The following FAT4 variants were observed in gnomAD, a reference collection of about 807,000 sequenced individuals.
FAT4 encodes FAT atypical cadherin 4.
A neutral mutation model predicts 303.9 loss-of-function variants in FAT4; 84 were observed. The observed-to-expected ratio is 0.28, with a 90% confidence interval of 0.23 to 0.33. FAT4 has a LOEUF of 0.33. Among genes scored for constraint, FAT4 ranks in the 10% least tolerant of loss-of-function variants. FAT4 has a pLI of 1.00. For synonymous variants in FAT4, 2,307 were observed against 2,298.8 expected (o/e 1.00, Z -0.10); for missense variants, 6,005 against 6,146.8 (o/e 0.98, Z 0.77).
intron 2 of FAT4, among the ~76,000 whole-genome samples, chr4:125,373,787 A>T (rs925066339): frequency 1.3e-5 from 2 of 152,184 alleles, no homozygotes; most frequent in Non-Finnish European, 2.9e-5. Context: ...TGAACATGAA[A>T]AAGCCAAAAG....
chr4:125,466,930 A>G (rs2126074488), intron 11 of FAT4, among the ~76,000 whole-genome samples: 1 of 151,982 alleles, frequency 6.6e-6, no homozygotes, highest in African/African-American at 2.4e-5. Context: ...GCCTGCCACC[A>G]TGCCCGGCTA....
chr4:125,323,516 T>C (rs1731035814), intron 2 of FAT4, among the ~76,000 whole-genome samples: 2 of 152,038 alleles, frequency 1.3e-5, no homozygotes, highest in African/African-American at 4.8e-5. Flanking sequence ...ATGATTTTTT[T>C]AATTAAAAAA....
intron 2 of FAT4, among the ~76,000 whole-genome samples, chr4:125,382,267 G>A (rs1733570628): frequency 6.6e-6 from 1 of 152,056 alleles, no homozygotes; most frequent in Non-Finnish European, 1.5e-5. Context: ...CACTATCTAT[G>A]GCAGCTATAG....
chr4:125,364,397 A>G (rs952596426), intron 2 of FAT4, among the ~76,000 whole-genome samples: 5 of 152,130 alleles, frequency 3.3e-5, no homozygotes, highest in Non-Finnish European at 5.9e-5. Context: ...GTGAATTTCA[A>G]CTTCACCCTG....
intron 2 of FAT4, among the ~76,000 whole-genome samples, chr4:125,385,705 C>G (rs757821467): frequency 7.9e-5 from 12 of 152,044 alleles, no homozygotes; most frequent in Non-Finnish European, 1.6e-4. Flanking sequence ...ATGGCTTTTT[C>G]CATTACTCTG....
At chr4:125,336,405 T>C (rs1281830615) in intron 2 of FAT4, among the ~76,000 whole-genome samples, 1 of 152,020 alleles carries the variant, frequency 6.6e-6, no homozygotes, top group African/African-American at 2.4e-5. Context: ...TATGTTTTGA[T>C]AAGTGTCAGA....
Position 125,318,695 on chromosome 4 carries a change from C to T in FAT4, c.2284C>T (p.Gln762Ter), listed in dbSNP as rs1419152842. 6.2e-7 allele frequency: 1 copy of T among 1,614,066 alleles called. No homozygotes were observed. The highest frequency in any genetic ancestry group is 1.3e-5 in the African/African-American group (1 of 75,020). ...DREEKTAYQL[Q>*]IVATDGGNLQ... ...AGAAGAAAAAACAGCTTATCAGTTGCAAATAGTAGCTACTGATGGTGGCAA... is the reference window on the plus strand; with the variant it reads ...AGAAGAAAAAACAGCTTATCAGTTGTAAATAGTAGCTACTGATGGTGGCAA... The change falls in exon 2 of 18, where the codon CAA becomes TAA. Residue 762 changes from glutamine (Q) to a stop codon, truncating the protein, a stop_gained. Transcript: ENST00000394329. LOFTEE classifies it high-confidence loss of function.
intron 7 of FAT4, among the ~76,000 whole-genome samples, chr4:125,426,772 G>A (rs1429724487): frequency 6.6e-6 from 1 of 151,932 alleles, no homozygotes; most frequent in East Asian, 1.9e-4. Context: ...CTCCATGTGA[G>A]CTACAAATCT....
chr4:125,366,101 A>G (rs1249064032), intron 2 of FAT4, among the ~76,000 whole-genome samples: 10 of 152,192 alleles, frequency 6.6e-5, no homozygotes, highest in Admixed American at 6.5e-4. Context: ...ATTGTCTTCC[A>G]CAAAACTGGT....
At chr4:125,468,317 T>C (rs1373355805) in intron 11 of FAT4, among the ~76,000 whole-genome samples, 195 bp from the exon 12 acceptor site, 1 of 152,184 alleles carries the variant, frequency 6.6e-6, no homozygotes, top group African/African-American at 2.4e-5. Flanking sequence ...AGTTAATCAT[T>C]TCTGCCATGT....
intron 15 of FAT4, among the ~76,000 whole-genome samples, 157 bp downstream of exon 15, chr4:125,480,022 A>T (rs1727168879): frequency 6.6e-6 from 1 of 152,220 alleles, no homozygotes; most frequent in Non-Finnish European, 1.5e-5. Flanking sequence ...GACATTTTAA[A>T]AATTATTTTT....
intron 2 of FAT4, among the ~76,000 whole-genome samples, chr4:125,334,151 C>T (rs1179404170): frequency 6.6e-6 from 1 of 152,056 alleles, no homozygotes; most frequent in African/African-American, 2.4e-5. Flanking sequence ...TCCTTAAACT[C>T]GGAGTGAGAA....
At chr4:125,368,677 C>T (rs1732983916) in intron 2 of FAT4, among the ~76,000 whole-genome samples, 1 of 151,616 alleles carries the variant, frequency 6.6e-6, no homozygotes, top group South Asian at 2.1e-4. Context: ...CACATGACAT[C>T]TGGCAATGCC....
intron 8 of FAT4, among the ~76,000 whole-genome samples, chr4:125,437,598 C>T (rs893723135): frequency 1.3e-5 from 2 of 152,076 alleles, no homozygotes; most frequent in Non-Finnish European, 2.9e-5. Flanking sequence ...GTACTTAGCA[C>T]CAACCAGAGA....
chr4:125,423,763 CA>C (rs1724989510), intron 7 of FAT4, among the ~76,000 whole-genome samples: 1 of 152,184 alleles, frequency 6.6e-6, no homozygotes. Flanking sequence ...TGCAAAGCCA[CA>C]GGGGCAGAGC....
Position 125,451,283 on chromosome 4 carries a change from G to A in FAT4, c.10273G>A (p.Val3425Met). ...ISEGVPIGTH[V>M]TFVSAFDSDS... ...TGAAGGGGTCCCAATAGGAACTCAT[G>A]TGACCTTTGTCAGTGCCTTTGACTC... The change falls in exon 10 of 18, where the codon GTG (valine) becomes ATG (methionine). Residue 3425 changes from valine (V) to methionine (M), a missense_variant. Val to Met is a conservative substitution (Grantham distance 21, BLOSUM62 1). Coordinates refer to ENST00000394329, the MANE Select transcript of FAT4 (RefSeq NM_001291303.3). 1.9e-6 allele frequency: 3 copies of A among 1,614,112 alleles called. No homozygotes were observed. The highest frequency in any genetic ancestry group is 2.5e-6 in the Non-Finnish European group (3 of 1,180,014).
intron 7 of FAT4, among the ~76,000 whole-genome samples, chr4:125,430,011 T>C (rs1174149505): frequency 6.6e-6 from 1 of 152,084 alleles, no homozygotes; most frequent in Non-Finnish European, 1.5e-5. Context: ...GGTTCTGTCC[T>C]GGGGTGGGAT....
intron 11 of FAT4, among the ~76,000 whole-genome samples, chr4:125,466,773 A>C (rs1284762552): frequency 6.8e-6 from 1 of 147,972 alleles, no homozygotes; most frequent in Non-Finnish European, 1.5e-5. Context: ...ATTATGTATA[A>C]TTTCTTTTTT....
At chr4:125,430,157 TAAA>T (rs10537393) in intron 7 of FAT4, among the ~76,000 whole-genome samples, 51,394 of 143,778 alleles carry the variant, frequency 0.36, 9,023 homozygotes, top group Middle Eastern at 0.48. Context: ...ACTTAAAGTA[TAAA>T]AAAAAAAAAA....
Sources: gnomAD v4.1 joint callset for allele counts (sites outside exome capture counted in the v4.1 genomes callset) on GRCh38, gnomAD v4.1.1 for gene constraint, MANE v1.5 for transcripts, NCBI Gene and HGNC (gene_info 2026-07-23, HGNC 2026-07-21) for gene names.